Variants in KCNG3 observed in about 807,000 individuals in gnomAD.
KCNG3 encodes voltage-gated potassium channel regulatory subunit KCNG3.
In KCNG3, 15 loss-of-function variants were observed where a neutral mutation model predicts 29.0. The observed-to-expected ratio is 0.52, with a 90% CI of 0.35 to 0.80. The LOEUF (loss-of-function observed/expected upper bound fraction) is 0.80. KCNG3 is among the 30% of genes least tolerant of loss of function. KCNG3 has a pLI of 0.01. For synonymous variants in KCNG3, 322 were observed against 248.9 expected (o/e 1.29, Z -2.76); for missense variants, 512 against 605.7 (o/e 0.85, Z 1.62).
At chr2:42,441,701 A>G (rs548135332), downstream of KCNG3, among the ~76,000 whole-genome samples, 7 of 151,000 alleles carry the variant, frequency 4.6e-5, no homozygotes, top group Admixed American at 4.0e-4. Context: ...GCACATGTAC[A>G]TTATATATAT....
At chr2:42,472,599 C>T (rs1434365046) in intron 1 of KCNG3, among the ~76,000 whole-genome samples, 1 of 150,904 alleles carries the variant, frequency 6.6e-6, no homozygotes, top group Non-Finnish European at 1.5e-5. Flanking sequence ...TCCTGGGTTC[C>T]AGCGATTCTC....
intron 1 of KCNG3, among the ~76,000 whole-genome samples, chr2:42,466,612 A>C (rs1417587657): frequency 6.6e-6 from 1 of 152,088 alleles, no homozygotes; most frequent in African/African-American, 2.4e-5. Context: ...TCACAGAGCA[A>C]AGAAATCTCC....
At chr2:42,398,098 C>T in the KCNG3 span, among the ~76,000 whole-genome samples, 1 of 152,046 alleles carries the variant, frequency 6.6e-6, no homozygotes, top group African/African-American at 2.4e-5. Context: ...TGGCGGGCGC[C>T]TGTAGTTCCA....
chr2:42,492,996 G>A lies in KCNG3; in HGVS notation c.506C>T (p.Ala169Val), dbSNP rs1195322781. ...RTFEEPTSSL[A>V]AQILASVSVV... ...CGACACGCTAGCCAGGATCTGCGCG[G>A]CCAGCGACGACGTGGGCTCCTCGAA... is the stretch of plus-strand genomic sequence containing the variant. Residue 169 changes from alanine (A) to valine (V), a missense_variant, in exon 1 of 2, where the codon GCC (alanine) becomes GTC (valine). This residue lies in a region of KCNG3 where 228 missense variants were observed against 200.0 expected (regional missense o/e 1.14). Transcript: ENST00000306078. 2 of 1,535,866 alleles carry A rather than the reference G, an allele frequency of 1.3e-6. No homozygotes were observed. Among genetic ancestry groups the A allele is most frequent in the Admixed American group, 4.0e-5 (2 of 49,532 alleles).
rs142024638 is a variant in KCNG3, at chr2:42,444,543, G to C, written c.702C>G (p.Ala234=). The part of the protein sequence containing the change: ...IEAICIGWFT[A]ECIVRFIVSK... Reference sequence around the variant, plus strand: ...AGACAATGAACCTCACGATGCACTCGGCAGTGAACCAACCTATGCAGATAG... The same window carrying C: ...AGACAATGAACCTCACGATGCACTCCGCAGTGAACCAACCTATGCAGATAG... Residue 234 remains alanine (A), a synonymous_variant, in exon 2 of 2, where the codon GCC becomes GCG. Coordinates refer to ENST00000306078, the MANE Select transcript of KCNG3 (RefSeq NM_133329.6). The surrounding 1 kb of genome is among the most constrained non-coding windows in gnomAD (Gnocchi z 5.8). 1.1e-4 allele frequency: 180 copies of C among 1,613,772 alleles called. No individual in the cohort carries two copies. The highest frequency in any genetic ancestry group is 1.4e-4 in the Non-Finnish European group (170 of 1,179,882).
intron 1 of KCNG3, among the ~76,000 whole-genome samples, chr2:42,470,637 G>C (rs1358345921): frequency 6.6e-6 from 1 of 152,220 alleles, no homozygotes. Flanking sequence ...CACTTTGGGA[G>C]GCTGAGGCAG....
the KCNG3 span, among the ~76,000 whole-genome samples, chr2:42,389,019 G>C: frequency 6.6e-6 from 1 of 152,058 alleles, no homozygotes; most frequent in Non-Finnish European, 1.5e-5. Context: ...CCAGGTTCAC[G>C]CGATTCTCCT....
chr2:42,418,483 C>A, the KCNG3 span, among the ~76,000 whole-genome samples: 2 of 152,130 alleles, frequency 1.3e-5, no homozygotes, highest in African/African-American at 2.4e-5. Context: ...TGAGTTCAAT[C>A]TGGAATGAGG....
At chr2:42,411,313 G>A in the KCNG3 span, among the ~76,000 whole-genome samples, 1 of 152,162 alleles carries the variant, frequency 6.6e-6, no homozygotes, top group South Asian at 2.1e-4. Context: ...TTTTAAACAA[G>A]TGTCAGCATT....
chr2:42,419,340 C>T, the KCNG3 span, among the ~76,000 whole-genome samples: 5 of 142,318 alleles, frequency 3.5e-5, no homozygotes, highest in Middle Eastern at 3.8e-3. Flanking sequence ...TGGGTTCAAG[C>T]GATTCTCCTG....
chr2:42,426,868 A>C, the KCNG3 span, among the ~76,000 whole-genome samples: 1 of 152,220 alleles, frequency 6.6e-6, no homozygotes, highest in African/African-American at 2.4e-5. Context: ...TATCTTTATC[A>C]CACACATACA....
intron 1 of KCNG3, among the ~76,000 whole-genome samples, chr2:42,467,193 G>C (rs1217694623): frequency 1.3e-5 from 2 of 152,074 alleles, no homozygotes; most frequent in Non-Finnish European, 2.9e-5. Flanking sequence ...TGGAAAAACT[G>C]AACGGTCCTA....
At chr2:42,451,204 C>CAAAAAAAAAAA (rs67651134) in intron 1 of KCNG3, among the ~76,000 whole-genome samples, 1 of 61,020 alleles carries the variant, frequency 1.6e-5, no homozygotes, top group Non-Finnish European at 2.7e-5. Context: ...GACTCCAACT[C>CAAAAAAAAAAA]AAAAAAAAAA....
At chr2:42,450,319 G>C (rs1009420599) in intron 1 of KCNG3, among the ~76,000 whole-genome samples, 3 of 152,172 alleles carry the variant, frequency 2.0e-5, no homozygotes, top group African/African-American at 7.2e-5. Flanking sequence ...GGATGAATCA[G>C]TGAGAAACCC....
At chr2:42,390,132 A>G in the KCNG3 span, among the ~76,000 whole-genome samples, 1 of 152,358 alleles carries the variant, frequency 6.6e-6, no homozygotes, top group Admixed American at 6.5e-5. Flanking sequence ...GGAAACATTT[A>G]TAAACAACAG....
At chr2:42,492,496 CAAT>C (rs1481751604) in intron 1 of KCNG3, among the ~76,000 whole-genome samples, 1 of 152,210 alleles carries the variant, frequency 6.6e-6, no homozygotes, top group African/African-American at 2.4e-5. Context: ...TGAACCCTAA[CAAT>C]AAAAGTTCAG....
At position 42,450,773 on chromosome 2, in the gene KCNG3, T is replaced by G. The variant is rs577749403; in HGVS notation, c.666-6194A>C. Among the ~76,000 whole-genome samples, 7 of 152,304 alleles carry G rather than the reference T, an allele frequency of 4.6e-5. No homozygotes were observed. The South Asian group carries it at 1.5e-3, about 32-fold the overall frequency. On this transcript the variant is annotated intron_variant, in intron 1 of 1. Transcript: ENST00000306078. ...GCTTTACAGATGACAAAATTGAGGC[T>G]GAAAGGTTAAGCACTTTTCCAAGGT...
At position 42,493,415 on chromosome 2, in the gene KCNG3, G is replaced by A. The variant is rs1446911427; in HGVS notation, c.87C>T (p.Asp29=). ...RYSLSRELLK[D]FPLRRVSRLH... Reference sequence around the variant, plus strand: ...GCCGGCTCACGCGGCGCAGCGGGAAGTCCTTCAGCAGCTCCCGGGACAGCG... The same window carrying A: ...GCCGGCTCACGCGGCGCAGCGGGAAATCCTTCAGCAGCTCCCGGGACAGCG... The change falls in exon 1 of 2, where the codon GAC becomes GAT. Residue 29 remains aspartate (D), a synonymous_variant. Coordinates refer to ENST00000306078, the MANE Select transcript of KCNG3 (RefSeq NM_133329.6). 2 of 1,509,192 alleles carry A rather than the reference G, an allele frequency of 1.3e-6. No homozygotes were observed. Among genetic ancestry groups the A allele is most frequent in the South Asian group, 1.3e-5 (1 of 76,688 alleles). The allele number at this position is 1,509,192 out of a possible 1,614,324, so 93.5% of individuals were successfully genotyped here. A position where few individuals can be genotyped will look rare whatever the true frequency, so the allele number is the denominator to read the frequency against.
the KCNG3 span, among the ~76,000 whole-genome samples, chr2:42,417,665 T>C: frequency 6.6e-6 from 1 of 152,132 alleles, no homozygotes; most frequent in African/African-American, 2.4e-5. Flanking sequence ...TTTTCTTATT[T>C]TGTGTAGTAA....
Sources: gnomAD v4.1 joint callset for allele counts (sites outside exome capture counted in the v4.1 genomes callset) on GRCh38, gnomAD v4.1.1 for gene constraint, gnomAD v4.1.1 regional missense constraint, Gnocchi (gnomAD v3.1) non-coding constraint, MANE v1.5 for transcripts, NCBI Gene and HGNC (gene_info 2026-07-23, HGNC 2026-07-21) for gene names.